STAC: variants seen among roughly 807,000 people sequenced by gnomAD.
STAC encodes SH3 and cysteine rich domain, also known as SH3 and cysteine-rich domain-containing protein.
STAC carries 43 observed loss-of-function variants against 48.8 expected under a neutral mutation model. The observed-to-expected ratio is 0.88, with a 90% confidence interval of 0.69 to 1.14. The LOEUF (loss-of-function observed/expected upper bound fraction) is 1.14, where lower values mean the gene tolerates loss of function less well. STAC is among the 50% of genes most tolerant of loss of function. The pLI is 0.00. For missense variants in STAC, 497 were observed against 504.0 expected, an observed-to-expected ratio of 0.99 and a Z score of 0.13; for synonymous variants, 193 against 179.5, an observed-to-expected ratio of 1.07 and a Z score of -0.60.
At chr3:36,529,025 A>G in intron 10 of STAC, 40 bp downstream of exon 10, 2 of 1,540,560 alleles carry the variant, frequency 1.3e-6, no homozygotes, top group Non-Finnish European at 1.8e-6. Flanking sequence ...TATGAGCCAA[A>G]TAGGGTGTCA....
At chr3:36,429,837 CT>C (rs200306932) in intron 1 of STAC, among the ~76,000 whole-genome samples, 3,532 of 152,318 alleles carry the variant, frequency 0.023, 59 homozygotes, top group Non-Finnish European at 0.026. Flanking sequence ...CTAGCTTACC[CT>C]GCCTGACCCA....
chr3:36,468,787 T>G (rs1448469130), intron 2 of STAC, among the ~76,000 whole-genome samples: 1 of 148,992 alleles, frequency 6.7e-6, no homozygotes, highest in Non-Finnish European at 1.5e-5. Context: ...TGTGTGTTTA[T>G]ATTTAGAATT....
At chr3:36,397,165 T>C (rs1005170117) in intron 1 of STAC, among the ~76,000 whole-genome samples, 1 of 152,224 alleles carries the variant, frequency 6.6e-6, no homozygotes, top group Non-Finnish European at 1.5e-5. Context: ...GTTTATATTT[T>C]CTGATTCTTG....
At chr3:36,530,413 AG>A (rs1434653651) in intron 10 of STAC, among the ~76,000 whole-genome samples, 1 of 152,112 alleles carries the variant, frequency 6.6e-6, no homozygotes, top group African/African-American at 2.4e-5. Flanking sequence ...ATAGTTTCTA[AG>A]TCACACAAGA....
chr3:36,480,323 A>C (rs1035322137), intron 2 of STAC, among the ~76,000 whole-genome samples: 1 of 152,224 alleles, frequency 6.6e-6, no homozygotes, highest in Non-Finnish European at 1.5e-5. Flanking sequence ...ACAAGCATAC[A>C]TGCCCAATAA....
chr3:36,542,698 T>C (rs538324694), intron 10 of STAC, among the ~76,000 whole-genome samples: 8 of 152,352 alleles, frequency 5.3e-5, no homozygotes, highest in South Asian at 4.1e-4. Context: ...AAAAATATTA[T>C]GTTTTATGTT....
At chr3:36,511,336 T>C (rs996528363) in intron 8 of STAC, among the ~76,000 whole-genome samples, 3 of 152,204 alleles carry the variant, frequency 2.0e-5, no homozygotes, top group African/African-American at 7.2e-5. Flanking sequence ...GTGCCTATAA[T>C]CATAAACACT....
intron 10 of STAC, among the ~76,000 whole-genome samples, chr3:36,530,586 TTTTTTTC>T (rs1559527414): frequency 2.8e-5 from 4 of 142,768 alleles, no homozygotes; most frequent in African/African-American, 1.0e-4. Context: ...TTTTCTTTTT[TTTTTTTC>T]TTTTTTTTTT....
intron 6 of STAC, among the ~76,000 whole-genome samples, chr3:36,502,320 G>T (rs775095895): frequency 6.6e-6 from 1 of 152,020 alleles, no homozygotes; most frequent in East Asian, 1.9e-4. Flanking sequence ...ATATGTTTTC[G>T]GTAGTTACCT....
chr3:36,500,437 G>A (rs891207196), intron 6 of STAC, among the ~76,000 whole-genome samples: 1 of 152,074 alleles, frequency 6.6e-6, no homozygotes, highest in South Asian at 2.1e-4. Context: ...ACACACTGGG[G>A]CCCGTCAGGC....
chr3:36,490,099 C>T (rs966354673), intron 5 of STAC, among the ~76,000 whole-genome samples: 3 of 152,194 alleles, frequency 2.0e-5, no homozygotes, highest in African/African-American at 7.2e-5. Context: ...CCAAAGAAAT[C>T]AGCCCTCTGT....
At chr3:36,484,952 C>G (rs775060513) in intron 3 of STAC, 25 bp from the exon 4 acceptor site, 14 of 1,577,124 alleles carry the variant, frequency 8.9e-6, no homozygotes, top group Non-Finnish European at 1.1e-5. Flanking sequence ...ACATTAACCC[C>G]TTGCCTTCCT....
At chr3:36,486,849 G>A (rs1044281160) in intron 5 of STAC, among the ~76,000 whole-genome samples, 18 of 152,246 alleles carry the variant, frequency 1.2e-4, no homozygotes, top group African/African-American at 2.4e-4. Flanking sequence ...CTTGTCTCTG[G>A]TTGTTTCAAT....
intron 6 of STAC, among the ~76,000 whole-genome samples, chr3:36,497,308 CA>C (rs1451169241): frequency 1.3e-5 from 2 of 152,248 alleles, no homozygotes. Context: ...ACTGGACATT[CA>C]GAGGAATTTT....
chr3:36,403,718 A>G (rs905505213), intron 1 of STAC, among the ~76,000 whole-genome samples: 3 of 152,190 alleles, frequency 2.0e-5, no homozygotes, highest in Non-Finnish European at 4.4e-5. Context: ...ATTTCCAGAA[A>G]TTAAGAAACA....
chr3:36,450,774 C>T (rs1291702110), intron 2 of STAC, among the ~76,000 whole-genome samples: 1 of 152,206 alleles, frequency 6.6e-6, no homozygotes, highest in Non-Finnish European at 1.5e-5. Context: ...ATCCACCTAC[C>T]TCGGCCTCCC....
intron 2 of STAC, among the ~76,000 whole-genome samples, chr3:36,470,667 G>C (rs1400291057): frequency 6.6e-6 from 1 of 152,254 alleles, no homozygotes; most frequent in South Asian, 2.1e-4. Context: ...TTCCTGGTAT[G>C]CTCCTGTGGT....
intron 1 of STAC, among the ~76,000 whole-genome samples, chr3:36,432,823 C>A (rs1700738155): frequency 1.3e-5 from 2 of 152,164 alleles, no homozygotes; most frequent in African/African-American, 4.8e-5. Context: ...TATTTAACTT[C>A]TTTCTACCAC....
chr3:36,475,020 C>T (rs533471204), intron 2 of STAC, among the ~76,000 whole-genome samples: 233 of 152,218 alleles, frequency 1.5e-3, no homozygotes, highest in African/African-American at 5.2e-3. Flanking sequence ...TGCGCGCGCG[C>T]ACGCATGTGT....
Sources: allele counts gnomAD v4.1 joint callset (sites outside exome capture counted in the v4.1 genomes callset), GRCh38; gene constraint gnomAD v4.1.1; transcripts MANE v1.5; gene names NCBI Gene and HGNC (gene_info 2026-07-23, HGNC 2026-07-21).